RNF20: variants seen among roughly 807,000 people sequenced by gnomAD.
RNF20 encodes ring finger protein 20.
RNF20 carries 84 observed loss-of-function variants against 126.2 expected under a neutral mutation model. That is an observed-to-expected ratio of 0.67 (90% CI 0.56 to 0.80). The LOEUF (loss-of-function observed/expected upper bound fraction) is 0.80. Ranked by LOEUF, RNF20 falls within the 30% of genes least tolerant of loss-of-function variation. The probability of loss-of-function intolerance (pLI) is 0.00; values close to 1 mark genes in which losing one functional copy is unlikely to be tolerated. For synonymous variants in RNF20, 400 were observed against 414.3 expected (o/e 0.97, Z 0.42); for missense variants, 869 against 1,188.2 (o/e 0.73, Z 3.95).
At position 101,557,535 on chromosome 9, in the gene RNF20, A is replaced by G. The variant is rs756176365; in HGVS notation, c.2321A>G (p.His774Arg). The G allele has an allele frequency of 3.1e-6, 5 of 1,614,056 alleles. No individual in the cohort carries two copies. The South Asian group carries it at 3.3e-5, about 11-fold the overall frequency. ...GAGCGTATCAAGTCCAATCAGATCC[A>G]TAAGTTGCTTAAAGAAGAGAAGGAG... The part of the protein sequence containing the change: ...MSERIKSNQI[H>R]KLLKEEKEEL... The change falls in exon 16 of 20, where the codon CAT (histidine) becomes CGT (arginine). Residue 774 changes from histidine (H) to arginine (R), a missense_variant. By Grantham distance (29) the His-to-Arg change is conservative (BLOSUM62 0). Transcript: ENST00000389120.
At position 101,547,126 on chromosome 9, in the gene RNF20, G is replaced by A; in HGVS notation, c.895-11G>A. On this transcript the variant is annotated splice_polypyrimidine_tract_variant and intron_variant, in intron 7 of 19. Coordinates refer to ENST00000389120, the MANE Select transcript of RNF20 (RefSeq NM_019592.7). ...GAGTCTCTCACTAAAGAATCTTTGT[G>A]TTCTCTGTAGGTGAATTCCAAAGGT... 1.2e-6 allele frequency: 2 copies of A among 1,613,510 alleles called. No homozygotes were observed. Among genetic ancestry groups the A allele is most frequent in the South Asian group, 1.1e-5 (1 of 91,080 alleles).
intron 13 of RNF20, among the ~76,000 whole-genome samples, 168 bp from the exon 14 acceptor site, chr9:101,553,820 A>G (rs1039412949): frequency 2.6e-5 from 4 of 152,252 alleles, no homozygotes; most frequent in South Asian, 2.1e-4. Flanking sequence ...CTTTCTAAGC[A>G]TATCCAAAAG....
intron 2 of RNF20, among the ~76,000 whole-genome samples, chr9:101,539,176 G>A (rs1248673619): frequency 6.6e-6 from 1 of 152,176 alleles, no homozygotes; most frequent in East Asian, 1.9e-4. Flanking sequence ...GGTTGATGTT[G>A]CCTTGCTGGA....
chr9:101,560,896 G>C lies in RNF20; in HGVS notation c.2478G>C (p.Arg826Ser). 6.2e-7 allele frequency: 1 copy of C among 1,612,976 alleles called. No homozygotes were observed. Among genetic ancestry groups the C allele is most frequent in the Non-Finnish European group, 8.5e-7 (1 of 1,179,558 alleles). Residue 826 changes from arginine to serine, a missense_variant, in exon 17 of 20, where the codon AGG (arginine) becomes AGC (serine). Around this residue, in one of 8 missense-constraint regions of RNF20, gnomAD observed 150 missense variants for 173.7 expected, o/e 0.86. Coordinates refer to ENST00000389120, the MANE Select transcript of RNF20 (RefSeq NM_019592.7). ...CAGGGGAGAAAGAGCTGGGTCTTAGGACCCAAGCCTTAGAGATGAATAAAC... is the reference window on the plus strand; with the variant it reads ...CAGGGGAGAAAGAGCTGGGTCTTAGCACCCAAGCCTTAGAGATGAATAAAC... ...IGTGEKELGL[R>S]TQALEMNKRK...
At chr9:101,554,139 T>TA (rs1342795508) in intron 14 of RNF20, 34 bp downstream of exon 14, 1 of 1,196,876 alleles carries the variant, frequency 8.4e-7, no homozygotes, top group Admixed American at 1.9e-5. Context: ...TCCTTCTGGT[T>TA]AAAATCTTCA....
At chr9:101,548,082 T>C (rs1827380619) in intron 9 of RNF20, among the ~76,000 whole-genome samples, 1 of 151,994 alleles carries the variant, frequency 6.6e-6, no homozygotes, top group South Asian at 2.1e-4. Context: ...TTAAAAAAAA[T>C]TGTGAATAAC....
chr9:101,555,673 T>C (rs1233380181), intron 15 of RNF20, among the ~76,000 whole-genome samples: 1 of 151,916 alleles, frequency 6.6e-6, no homozygotes, highest in African/African-American at 2.4e-5. Context: ...AATTTTGGGC[T>C]GGGCGCGGTG....
rs765704186 is a variant in RNF20, at chr9:101,562,028, T to C, written c.2751+17T>C. ...GATTACAAGGTTAGAAAAAATGCCT[T>C]AGTGATTAGTTTTTTGTCAAAGCTT... On this transcript the variant is annotated intron_variant, in intron 19 of 19. Coordinates refer to ENST00000389120, the MANE Select transcript of RNF20 (RefSeq NM_019592.7). The C allele has an allele frequency of 3.9e-6, 6 of 1,555,998 alleles. No individual in the cohort carries two copies. In the South Asian group the frequency reaches 5.7e-5, roughly 15 times the overall value.
chr9:101,539,979 G>A (rs191730425), intron 2 of RNF20, among the ~76,000 whole-genome samples: 1 of 152,180 alleles, frequency 6.6e-6, no homozygotes, highest in East Asian at 1.9e-4. Flanking sequence ...CAGCGAGATG[G>A]GTTGAGGTTC....
chr9:101,546,816 G>A lies in RNF20; in HGVS notation c.748-4G>A. 2 of 1,614,068 alleles carry A rather than the reference G, an allele frequency of 1.2e-6. No individual in the cohort carries two copies. The highest frequency in any genetic ancestry group is 1.7e-6 in the Non-Finnish European group (2 of 1,179,948). On this transcript the variant is annotated splice_polypyrimidine_tract_variant and splice_region_variant and intron_variant, in intron 6 of 19. Transcript: ENST00000389120. ...GTTTCTGAATGTTTGTCTTTGGGAT[G>A]TAGTTCTCCAAGTTGCAGAGTAAAG...
chr9:101,552,971 T>C (rs1827474566), intron 13 of RNF20, among the ~76,000 whole-genome samples: 1 of 152,190 alleles, frequency 6.6e-6, no homozygotes, highest in African/African-American at 2.4e-5. Context: ...AAACCGATGA[T>C]GGTAGCCTTA....
chr9:101,534,747 A>G (rs1827155146), intron 1 of RNF20, among the ~76,000 whole-genome samples: 1 of 152,150 alleles, frequency 6.6e-6, no homozygotes, highest in Non-Finnish European at 1.5e-5. Flanking sequence ...AACTTCTGGC[A>G]TAATCAAACT....
At position 101,552,669 on chromosome 9, in the gene RNF20, C is replaced by T. The variant is rs1827468517; in HGVS notation, c.1817C>T (p.Ser606Phe). ...AAAGAGTCAGAAAAAGAGAGAGATT[C>T]TGCTAAGGATAAAGAGAAAGGCAAA... Reference protein sequence around the residue: ...KLKESEKERDSAKDKEKGKHD... With the variant: ...KLKESEKERDFAKDKEKGKHD... The change falls in exon 13 of 20, where the codon TCT (serine) becomes TTT (phenylalanine). Residue 606 changes from serine (S) to phenylalanine (F), a missense_variant. By Grantham distance (155) the Ser-to-Phe change is radical (BLOSUM62 -2). Transcript: ENST00000389120. 1 of 1,526,078 alleles carries T rather than the reference C, an allele frequency of 6.6e-7. No individual in the cohort carries two copies. Among genetic ancestry groups the T allele is most frequent in the African/African-American group, 1.4e-5 (1 of 73,084 alleles). 94.5% of individuals were successfully genotyped at this position (1,526,078 alleles called of 1,614,324 possible).
intron 14 of RNF20, 49 bp downstream of exon 14, chr9:101,554,154 T>G (rs977293608): frequency 1.8e-6 from 2 of 1,092,178 alleles, no homozygotes; most frequent in Non-Finnish European, 2.8e-6. Context: ...TCTTCATTTG[T>G]GGGATTTTCC....
At chr9:101,543,104 A>G (rs982814682) in intron 5 of RNF20, among the ~76,000 whole-genome samples, 2 of 152,184 alleles carry the variant, frequency 1.3e-5, no homozygotes, top group Non-Finnish European at 2.9e-5. Context: ...TTTTATATTT[A>G]GGGTAATTCA....
rs543281218 is a variant in RNF20, at chr9:101,561,700, A to G, written c.2650-210A>G. On this transcript the variant is annotated intron_variant, in intron 18 of 19. Coordinates refer to ENST00000389120, the MANE Select transcript of RNF20 (RefSeq NM_019592.7). Reference sequence around the variant, plus strand: ...CAGGACTGAATTGGTAATAGATGCAATTCTAATTTGGGGATATAATTATGG... The same window carrying G: ...CAGGACTGAATTGGTAATAGATGCAGTTCTAATTTGGGGATATAATTATGG... Among the ~76,000 whole-genome samples, 17 of 152,336 alleles carry G rather than the reference A, an allele frequency of 1.1e-4. No individual in the cohort carries two copies. The East Asian group carries it at 1.2e-3, about 10-fold the overall frequency.
intron 5 of RNF20, among the ~76,000 whole-genome samples, chr9:101,542,977 C>G (rs1029904449): frequency 6.6e-6 from 1 of 152,172 alleles, no homozygotes; most frequent in Non-Finnish European, 1.5e-5. Flanking sequence ...ATCCCCCTGA[C>G]TTAGACTGAA....
chr9:101,547,056 A>C, intron 7 of RNF20, 81 bp from the exon 8 acceptor site: 1 of 1,603,136 alleles, frequency 6.2e-7, no homozygotes, highest in Non-Finnish European at 8.5e-7. Context: ...TTGAGGAAAA[A>C]ATCTCATCCT....
rs1827301129 is a variant in RNF20 at position 101,543,763 on chromosome 9, C to A, written c.629-1004C>A. ...CTCAGTGCTTAGGATATTGAGAGGA[C>A]TAAAATTCAGTCTCTACTTCTTAAC... On this transcript the variant is annotated intron_variant, in intron 5 of 19. Coordinates refer to ENST00000389120, the MANE Select transcript of RNF20 (RefSeq NM_019592.7). 2.0e-5 allele frequency among the ~76,000 whole-genome samples: 3 copies of A among 152,238 alleles called. No homozygotes were observed. The South Asian group carries it at 6.2e-4, about 31-fold the overall frequency.
Sources: gnomAD v4.1 joint callset for allele counts (sites outside exome capture counted in the v4.1 genomes callset) on GRCh38, gnomAD v4.1.1 for gene constraint, gnomAD v4.1.1 regional missense constraint, MANE v1.5 for transcripts, NCBI Gene and HGNC (gene_info 2026-07-23, HGNC 2026-07-21) for gene names.